The following CFAP54 variants were observed in gnomAD, a reference collection of about 807,000 sequenced individuals.
The protein encoded by CFAP54 is cilia and flagella associated protein 54.
In CFAP54, 290 loss-of-function variants were observed where a neutral mutation model predicts 370.4. That is an observed-to-expected ratio of 0.78 (90% CI 0.71 to 0.86). The LOEUF (loss-of-function observed/expected upper bound fraction) is 0.86, where lower values mean the gene tolerates loss of function less well. Among genes scored for constraint, CFAP54 ranks in the 40% least tolerant of loss-of-function variants. CFAP54 has a pLI of 0.00. For synonymous variants in CFAP54, 1,206 were observed against 1,236.5 expected (o/e 0.98, Z 0.52); for missense variants, 3,399 against 3,528.7 (o/e 0.96, Z 0.93).
intron 45 of CFAP54, among the ~76,000 whole-genome samples, chr12:96,699,247 G>A (rs1957467208): frequency 6.6e-6 from 1 of 152,198 alleles, no homozygotes; most frequent in South Asian, 2.1e-4. Context: ...CGCAGAAAAG[G>A]TGGGGGTTTC....
intron 32 of CFAP54, among the ~76,000 whole-genome samples, chr12:96,634,489 A>C (rs1956644253): frequency 6.6e-6 from 1 of 152,032 alleles, no homozygotes; most frequent in African/African-American, 2.4e-5. Context: ...TATATTCTAG[A>C]TACGAGGCCT....
intron 2 of CFAP54, among the ~76,000 whole-genome samples, chr12:96,503,522 A>G (rs1381614433): frequency 6.6e-6 from 1 of 151,478 alleles, no homozygotes; most frequent in African/African-American, 2.4e-5. Flanking sequence ...GAGAAGCAAG[A>G]CTACTCATCC....
chr12:96,762,104 C>G (rs189316619), intron 58 of CFAP54, among the ~76,000 whole-genome samples: 3 of 152,188 alleles, frequency 2.0e-5, no homozygotes, highest in Admixed American at 2.0e-4. Context: ...TTTATTCTGA[C>G]CTTAATTTCT....
chr12:96,834,059 A>T (rs1166329855), intron 66 of CFAP54, among the ~76,000 whole-genome samples: 1 of 152,112 alleles, frequency 6.6e-6, no homozygotes, highest in African/African-American at 2.4e-5. Context: ...TTCTAACTAG[A>T]CTACACTCAG....
chr12:96,732,476 A>G (rs1215983883), intron 50 of CFAP54, among the ~76,000 whole-genome samples: 4 of 152,158 alleles, frequency 2.6e-5, no homozygotes, highest in African/African-American at 9.7e-5. Flanking sequence ...AAAGAGATTC[A>G]TGGCATTCTT....
intron 26 of CFAP54, among the ~76,000 whole-genome samples, chr12:96,604,866 T>G (rs973607034): frequency 1.3e-5 from 2 of 152,214 alleles, no homozygotes; most frequent in African/African-American, 2.4e-5. Flanking sequence ...GTACCGTTCC[T>G]CCAGGTATAG....
At chr12:96,716,536 G>A (rs1957681715) in intron 48 of CFAP54, among the ~76,000 whole-genome samples, 1 of 152,184 alleles carries the variant, frequency 6.6e-6, no homozygotes, top group African/African-American at 2.4e-5. Flanking sequence ...CTGAGCCCCT[G>A]TAGAAGTCAG....
chr12:96,663,416 A>G (rs187944228), intron 38 of CFAP54, among the ~76,000 whole-genome samples: 2 of 152,320 alleles, frequency 1.3e-5, no homozygotes, highest in East Asian at 3.9e-4. Context: ...TTATCAAAAT[A>G]CTACAGAGGA....
chr12:96,580,027 G>T, intron 20 of CFAP54, among the ~76,000 whole-genome samples: 1 of 150,512 alleles, frequency 6.6e-6, no homozygotes, highest in African/African-American at 2.4e-5. Flanking sequence ...CTTATTTAGG[G>T]GTGTTTTCTT....
intron 57 of CFAP54, 63 bp from the exon 58 acceptor site, chr12:96,757,432 A>C: frequency 1.5e-5 from 14 of 917,888 alleles, no homozygotes; most frequent in East Asian, 2.8e-5. Flanking sequence ...AATTGTTGGC[A>C]AATGATACCA....
intron 60 of CFAP54, among the ~76,000 whole-genome samples, chr12:96,773,880 A>G (rs1958489139): frequency 6.6e-6 from 1 of 152,210 alleles, no homozygotes; most frequent in Admixed American, 6.5e-5. Context: ...CATAAAGCAA[A>G]TGTCTAGATC....
In CFAP54 at chr12:96,864,010, G is replaced by A. The variant is rs193031542; in HGVS notation, c.*14+3058G>A. On this transcript the variant is annotated intron_variant, in intron 67 of 67. Coordinates refer to ENST00000524981, the MANE Select transcript of CFAP54 (RefSeq NM_001306084.2). ...AAAGCTGTAACTTTCTGTGCAAGGC[G>A]GTAAGGAAATGATGATGAACTGGGC... Among the ~76,000 whole-genome samples the A allele has an allele frequency of 1.2e-4, 19 of 152,068 alleles. No individual in the cohort carries two copies. In the East Asian group the frequency reaches 2.9e-3, roughly 23 times the overall value.
intron 19 of CFAP54, among the ~76,000 whole-genome samples, chr12:96,568,880 C>T (rs1349270662): frequency 6.6e-6 from 1 of 151,264 alleles, no homozygotes; most frequent in African/African-American, 2.4e-5. Context: ...GATAATAACT[C>T]ATTAGCTTCC....
At chr12:96,689,687 T>G (rs1166695250) in intron 43 of CFAP54, among the ~76,000 whole-genome samples, 1 of 152,158 alleles carries the variant, frequency 6.6e-6, no homozygotes, top group Admixed American at 6.5e-5. Context: ...AAAAATAACT[T>G]GAAGACTACA....
chr12:96,802,405 C>G (rs1342290079), intron 63 of CFAP54, among the ~76,000 whole-genome samples: 1 of 152,104 alleles, frequency 6.6e-6, no homozygotes, highest in Non-Finnish European at 1.5e-5. Context: ...ACAGGGGAGA[C>G]CAAACTATCC....
rs144063164 is a variant in CFAP54 at position 96,793,670 on chromosome 12, C to A, written c.8850+1171C>A. Reference sequence around the variant, plus strand: ...TGGTTGTACTAGTTTACATTTCTACCAGCAGTGTAAAAGTGTTCCCTTTTC... The same window carrying A: ...TGGTTGTACTAGTTTACATTTCTACAAGCAGTGTAAAAGTGTTCCCTTTTC... On this transcript the variant is annotated intron_variant, in intron 63 of 67. Coordinates refer to ENST00000524981, the MANE Select transcript of CFAP54 (RefSeq NM_001306084.2). Among the ~76,000 whole-genome samples, 1,360 of 152,212 alleles carry A rather than the reference C, an allele frequency of 8.9e-3. 28 individuals are homozygous for A. Among genetic ancestry groups the A allele is most frequent in the African/African-American group, 0.032 (1,315 of 41,530 alleles).
chr12:96,660,013 G>C (rs1956974288), intron 38 of CFAP54, among the ~76,000 whole-genome samples: 1 of 152,234 alleles, frequency 6.6e-6, no homozygotes, highest in Non-Finnish European at 1.5e-5. Flanking sequence ...CATGTAAACA[G>C]ATGAGTAGAA....
chr12:96,850,042 G>C (rs1959492565), intron 66 of CFAP54, among the ~76,000 whole-genome samples: 1 of 152,010 alleles, frequency 6.6e-6, no homozygotes, highest in Non-Finnish European at 1.5e-5. Flanking sequence ...GGCAGCCCTA[G>C]AGTCGTCTGT....
intron 38 of CFAP54, among the ~76,000 whole-genome samples, chr12:96,658,839 A>G (rs1193575667): frequency 6.6e-6 from 1 of 152,172 alleles, no homozygotes; most frequent in Non-Finnish European, 1.5e-5. Context: ...AACTGCCTGT[A>G]TCAGCCAGGA....
Sources: gnomAD v4.1 joint callset for allele counts (sites outside exome capture counted in the v4.1 genomes callset) on GRCh38, gnomAD v4.1.1 for gene constraint, MANE v1.5 for transcripts, NCBI Gene and HGNC (gene_info 2026-07-23, HGNC 2026-07-21) for gene names.